Variants in NOXRED1 observed in about 807,000 individuals in gnomAD.
The protein encoded by NOXRED1 is NADP dependent oxidoreductase domain containing 1.
In NOXRED1, 20 loss-of-function variants were observed where a neutral mutation model predicts 30.4. That is an observed-to-expected ratio of 0.66 (90% CI 0.46 to 0.96). The LOEUF is 0.96. Ranked by LOEUF, NOXRED1 falls within the 40% of genes least tolerant of loss-of-function variation. The probability of loss-of-function intolerance (pLI) is 0.00; values close to 1 mark genes in which losing one functional copy is unlikely to be tolerated. For synonymous variants in NOXRED1, 155 were observed against 168.0 expected, an observed-to-expected ratio of 0.92 and a Z score of 0.60; for missense variants, 374 against 428.0, an observed-to-expected ratio of 0.87 and a Z score of 1.11.
chr14:77,396,703 A>C (rs1223574615), intron 5 of NOXRED1, among the ~76,000 whole-genome samples: 1 of 152,222 alleles, frequency 6.6e-6, no homozygotes, highest in Non-Finnish European at 1.5e-5. Flanking sequence ...TTGTCACTCC[A>C]AAAAATGATA....
Position 77,394,497 on chromosome 14 carries a change from T to G in NOXRED1, c.*134A>C. The stretch of plus-strand genomic sequence containing the variant: ...ATTTTAAAGAGTCATCAGTACAGTT[T>G]TATAATTCCTGATGTCTATCATGTG... On this transcript the variant is annotated 3_prime_UTR_variant, in exon 6 of 6. Transcript: ENST00000380835. The G allele has an allele frequency of 1.6e-6, 1 of 606,510 alleles. No individual in the cohort carries two copies. The allele number at this position is 606,510 out of a possible 1,614,324, so 37.6% of individuals were successfully genotyped here. A position where few individuals can be genotyped will look rare whatever the true frequency, so the allele number is the denominator to read the frequency against.
At chr14:77,419,735 A>T (rs1894938120) in intron 1 of NOXRED1, among the ~76,000 whole-genome samples, 1 of 150,886 alleles carries the variant, frequency 6.6e-6, no homozygotes, top group Admixed American at 6.6e-5. Flanking sequence ...GGCGTGAGCC[A>T]CCACACCTGA....
At chr14:77,397,472 T>G (rs1894218080) in intron 5 of NOXRED1, among the ~76,000 whole-genome samples, 1 of 152,250 alleles carries the variant, frequency 6.6e-6, no homozygotes, top group South Asian at 2.1e-4. Flanking sequence ...GGCTGTGATA[T>G]TGTGCTACAG....
At chr14:77,395,249 G>A (rs1452724547) in intron 5 of NOXRED1, among the ~76,000 whole-genome samples, 1 of 150,946 alleles carries the variant, frequency 6.6e-6, no homozygotes, top group East Asian at 1.9e-4. Context: ...GGGACTACAG[G>A]CGCCCGCCAC....
chr14:77,395,397 C>T (rs1342520785), intron 5 of NOXRED1, among the ~76,000 whole-genome samples: 1 of 151,960 alleles, frequency 6.6e-6, no homozygotes, highest in Non-Finnish European at 1.5e-5. Flanking sequence ...TGAGCCACTG[C>T]GCCCGGCTGC....
chr14:77,400,522 G>A (rs1894299150), intron 5 of NOXRED1, among the ~76,000 whole-genome samples: 1 of 152,200 alleles, frequency 6.6e-6, no homozygotes, highest in Non-Finnish European at 1.5e-5. Context: ...ATCACTATAT[G>A]TAAGATGTAC....
rs1316373172 is a variant in NOXRED1, at chr14:77,414,009, C to T, written c.274G>A (p.Ala92Thr). ...IGGGHLGKQL[A>T]GTLLQLGPIP... ...GGGCCAAGCTGCAGCAGTGTGCCAG[C>T]CAGCTGCTTCCCAAGGTGGCCACCT... The change falls in exon 2 of 6, where the codon GCT becomes ACT. Residue 92 changes from alanine to threonine, a missense_variant. Transcript: ENST00000380835. 13 of 1,612,276 alleles carry T rather than the reference C, an allele frequency of 8.1e-6. No individual in the cohort carries two copies. The highest frequency in any genetic ancestry group is 3.4e-6 in the Non-Finnish European group (4 of 1,178,800).
chr14:77,410,059 T>C (rs1894604604), intron 2 of NOXRED1, among the ~76,000 whole-genome samples: 1 of 151,952 alleles, frequency 6.6e-6, no homozygotes, highest in Non-Finnish European at 1.5e-5. Flanking sequence ...TGACTCAGTC[T>C]CTCAGAGTGC....
At chr14:77,409,900 T>C (rs954556255) in intron 2 of NOXRED1, among the ~76,000 whole-genome samples, 17 of 151,758 alleles carry the variant, frequency 1.1e-4, no homozygotes, top group African/African-American at 4.1e-4. Context: ...TTCTGCCTCC[T>C]GGGTTCGAGC....
At chr14:77,395,923 A>G (rs1253726864) in intron 5 of NOXRED1, among the ~76,000 whole-genome samples, 1 of 151,956 alleles carries the variant, frequency 6.6e-6, no homozygotes, top group Non-Finnish European at 1.5e-5. Context: ...ATATTTTTCA[A>G]AAGATCAGGA....
At chr14:77,413,891 A>G in intron 2 of NOXRED1, 43 bp downstream of exon 2, 1 of 1,436,398 alleles carries the variant, frequency 7.0e-7, no homozygotes, top group Non-Finnish European at 9.4e-7. Flanking sequence ...TGACACCTAC[A>G]CAGCACAACC....
rs1429721745 is a variant in NOXRED1, at chr14:77,394,344, G to A, written c.*287C>T. The A allele has an allele frequency of 4.3e-6, 1 of 234,176 alleles. No individual in the cohort carries two copies. Among genetic ancestry groups the A allele is most frequent in the Non-Finnish European group, 8.2e-6 (1 of 122,254 alleles). 14.5% of individuals were successfully genotyped at this position (234,176 alleles called of 1,614,324 possible). On this transcript the variant is annotated 3_prime_UTR_variant, in exon 6 of 6. Transcript: ENST00000380835. Reference sequence around the variant, plus strand: ...CATTATAACTTCTTTAATTTTAGAAGAGAAATAATTTGTATTAACAAGACT... The same window carrying A: ...CATTATAACTTCTTTAATTTTAGAAAAGAAATAATTTGTATTAACAAGACT...
intron 4 of NOXRED1, 110 bp downstream of exon 4, chr14:77,406,590 TACACACACACACACACACACACAC>T (rs56942412): frequency 9.0e-6 from 7 of 773,558 alleles, no homozygotes; most frequent in South Asian, 1.5e-5. Context: ...CCTTGTGCCT[TACACACACACACACACACACACAC>T]ACACACACAC....
intron 1 of NOXRED1, among the ~76,000 whole-genome samples, chr14:77,416,841 C>T (rs1276285291): frequency 1.3e-5 from 2 of 150,682 alleles, no homozygotes; most frequent in Non-Finnish European, 3.0e-5. Flanking sequence ...GCTGACCCCC[C>T]CACCTCCCTC....
chr14:77,422,996 C>T lies in NOXRED1; in HGVS notation c.-107G>A. On this transcript the variant is annotated 5_prime_UTR_variant, in exon 1 of 6. Transcript: ENST00000380835. ...GTGTGTGTATGATGGTGTGTGTGCCCAGGTCACAAGCACTCATGATGATGG... is the reference window on the plus strand; with the variant it reads ...GTGTGTGTATGATGGTGTGTGTGCCTAGGTCACAAGCACTCATGATGATGG... The T allele has an allele frequency of 1.1e-6, 1 of 898,610 alleles. No individual in the cohort carries two copies. The highest frequency in any genetic ancestry group is 1.7e-6 in the Non-Finnish European group (1 of 575,738). 55.7% of individuals were successfully genotyped at this position (898,610 alleles called of 1,614,324 possible).
intron 5 of NOXRED1, among the ~76,000 whole-genome samples, chr14:77,403,506 A>C (rs1393155735): frequency 1.3e-5 from 2 of 151,996 alleles, no homozygotes; most frequent in African/African-American, 4.8e-5. Flanking sequence ...AAATACAAAA[A>C]TTAGCCAGGC....
intron 1 of NOXRED1, among the ~76,000 whole-genome samples, chr14:77,419,696 C>G (rs183712330): frequency 1.3e-5 from 2 of 151,874 alleles, no homozygotes; most frequent in South Asian, 4.2e-4. Flanking sequence ...GATCCGCCCC[C>G]CTCAGCCTCC....
At chr14:77,405,420 A>C (rs1894431224) in intron 5 of NOXRED1, among the ~76,000 whole-genome samples, 1 of 152,152 alleles carries the variant, frequency 6.6e-6, no homozygotes, top group African/African-American at 2.4e-5. Context: ...AAAATAAAGA[A>C]TGTCAAAGCA....
At chr14:77,397,263 G>A (rs1275216711) in intron 5 of NOXRED1, among the ~76,000 whole-genome samples, 1 of 152,182 alleles carries the variant, frequency 6.6e-6, no homozygotes, top group Non-Finnish European at 1.5e-5. Context: ...AATCTCCAGA[G>A]ACTTGCTGAA....
Sources: allele counts gnomAD v4.1 joint callset (sites outside exome capture counted in the v4.1 genomes callset), GRCh38; gene constraint gnomAD v4.1.1; transcripts MANE v1.5; gene names NCBI Gene and HGNC (gene_info 2026-07-23, HGNC 2026-07-21).